HSPA14: variants seen among roughly 807,000 people sequenced by gnomAD.
HSPA14 encodes the protein heat shock 70 kDa protein 14.
Under a neutral mutation model 65.5 loss-of-function variants are expected in HSPA14, and 37 were observed. The ratio of observed to expected loss-of-function variants is 0.56; its 90% CI spans 0.43 to 0.74. The LOEUF (loss-of-function observed/expected upper bound fraction) is 0.74, where lower values mean the gene tolerates loss of function less well. HSPA14 is among the 30% of genes least tolerant of loss of function. The probability of loss-of-function intolerance (pLI) is 0.00; values close to 1 mark genes in which losing one functional copy is unlikely to be tolerated. For missense variants in HSPA14, 564 were observed against 607.6 expected, an observed-to-expected ratio of 0.93 and a Z score of 0.75; for synonymous variants, 203 against 214.2, an observed-to-expected ratio of 0.95 and a Z score of 0.46.
chr10:14,862,647 T>C (rs1262171196), intron 10 of HSPA14, among the ~76,000 whole-genome samples: 1 of 152,110 alleles, frequency 6.6e-6, no homozygotes, highest in Non-Finnish European at 1.5e-5. Context: ...AGTATTGGGA[T>C]TGCAGGCATG....
intron 1 of HSPA14, 64 bp from the exon 2 acceptor site, chr10:14,839,841 G>A: frequency 1.7e-6 from 2 of 1,185,290 alleles, no homozygotes; most frequent in South Asian, 1.4e-5. Flanking sequence ...AGTAACACTG[G>A]TGCACAAATG....
At position 14,849,752 on chromosome 10, in the gene HSPA14, A is replaced by G. The variant is rs1348154867; in HGVS notation, c.408A>G (p.Ala136=). 1.2e-6 allele frequency: 2 copies of G among 1,613,364 alleles called. No individual in the cohort carries two copies. The highest frequency in any genetic ancestry group is 8.5e-7 in the Non-Finnish European group (1 of 1,179,720). The change falls in exon 6 of 14, where the codon GCA becomes GCG. Residue 136 remains alanine (A), a synonymous_variant. Transcript: ENST00000378372. ...CACATTCTGTATTGGGCTCAGATGC[A>G]AATGATGTAGTTATTACTGTCCCGT... ...ETAHSVLGSD[A]NDVVITVPFD... is the part of the protein sequence containing the mutation.
rs185353393 is a variant in HSPA14 at position 14,853,822 on chromosome 10, C to T, written c.735-303C>T. 7.0e-4 allele frequency among the ~76,000 whole-genome samples: 106 copies of T among 152,220 alleles called. 1 individual carries two copies. The highest frequency in any genetic ancestry group is 2.3e-3 in the African/African-American group (94 of 41,540). ...GCAATCTCCACCTCCCAGGTTCAAG[C>T]GATTCTTCTGCCTCAGCCTCCCAAG... is the stretch of plus-strand genomic sequence containing the variant. On this transcript the variant is annotated intron_variant, in intron 8 of 13. Coordinates refer to ENST00000378372, the MANE Select transcript of HSPA14 (RefSeq NM_016299.4).
chr10:14,846,818 TC>T (rs1353374682), intron 3 of HSPA14: 1 of 985,270 alleles, frequency 1.0e-6, no homozygotes, highest in Non-Finnish European at 1.2e-6. Context: ...TAAGGGATAT[TC>T]AAGTAGGAGG....
intron 13 of HSPA14, among the ~76,000 whole-genome samples, chr10:14,871,206 C>T (rs946740489): frequency 7.9e-5 from 12 of 152,122 alleles, no homozygotes; most frequent in Non-Finnish European, 1.6e-4. Context: ...TTGCCTTGGC[C>T]TAGGCTTGAA....
chr10:14,851,238 G>T lies in HSPA14; in HGVS notation c.487G>T (p.Gly163Ter). 1.9e-6 allele frequency: 3 copies of T among 1,606,826 alleles called. No individual in the cohort carries two copies. Among genetic ancestry groups the T allele is most frequent in the Non-Finnish European group, 2.6e-6 (3 of 1,174,812 alleles). Reference protein sequence around the residue: ...NALGEAARAAGFNVLRLIHEP... With the variant: ...NALGEAARAA ...TCACAGAGAAGCAGCTAGAGCTGCT[G>T]GATTTAATGTTTTGCGATTAATTCA... The change falls in exon 7 of 14, where the codon GGA (glycine) becomes TGA (stop). Residue 163 changes from glycine (G) to a stop codon, truncating the protein, a stop_gained. Coordinates refer to ENST00000378372, the MANE Select transcript of HSPA14 (RefSeq NM_016299.4). LOFTEE classifies it high-confidence loss of function.
chr10:14,850,466 C>T (rs1288895949), intron 6 of HSPA14, among the ~76,000 whole-genome samples: 1 of 152,198 alleles, frequency 6.6e-6, no homozygotes, highest in Non-Finnish European at 1.5e-5. Context: ...CACCTTAGAT[C>T]TTAACATCTA....
At position 14,846,806 on chromosome 10, in the gene HSPA14, C is replaced by T. The variant is rs114463445; in HGVS notation, c.222-1803C>T. The T allele has an allele frequency of 3.5e-4, 341 of 985,242 alleles. No individual in the cohort carries two copies. The African/African-American group carries it at 5.4e-3, about 16-fold the overall frequency. 61.0% of individuals were successfully genotyped at this position (985,242 alleles called of 1,614,324 possible). A position where few individuals can be genotyped will look rare whatever the true frequency, so the allele number is the denominator to read the frequency against. On this transcript the variant is annotated intron_variant, in intron 3 of 13. Transcript: ENST00000378372. ...TGTGCCAAGCCCGTGGGCTGTTGAC[C>T]GTAAGGGATATTCAAGTAGGAGGAG...
rs752437938 is a variant in HSPA14, at chr10:14,842,200, T to C, written c.221+2043T>C. 7 of 1,535,336 alleles carry C rather than the reference T, an allele frequency of 4.6e-6. No homozygotes were observed. Among genetic ancestry groups the C allele is most frequent in the East Asian group, 4.9e-5 (2 of 40,910 alleles). ...CCTGAGAGGGAAGATCCTGGAGATATCCTGAGAGCACACAGAGCTTCCCCA... is the reference window on the plus strand; with the variant it reads ...CCTGAGAGGGAAGATCCTGGAGATACCCTGAGAGCACACAGAGCTTCCCCA... On this transcript the variant is annotated intron_variant, in intron 3 of 13. Transcript: ENST00000378372. The surrounding 1 kb of genome is among the most constrained non-coding windows in gnomAD (Gnocchi z 5.2).
intron 10 of HSPA14, among the ~76,000 whole-genome samples, chr10:14,860,747 C>T (rs1324334825): frequency 2.0e-5 from 3 of 152,024 alleles, no homozygotes; most frequent in Non-Finnish European, 4.4e-5. Flanking sequence ...GTGAAGAGTT[C>T]GCTGTAGATC....
chr10:14,868,472 A>G (rs139313712), intron 12 of HSPA14, among the ~76,000 whole-genome samples: 25 of 152,230 alleles, frequency 1.6e-4, no homozygotes, highest in African/African-American at 5.8e-4. Flanking sequence ...TTATTTACTT[A>G]GAAACATGTC....
At chr10:14,859,974 T>C (rs1209821147) in intron 10 of HSPA14, among the ~76,000 whole-genome samples, 5 of 152,254 alleles carry the variant, frequency 3.3e-5, no homozygotes, top group Admixed American at 6.5e-5. Flanking sequence ...TAATAACTTA[T>C]AGTATTTAGT....
rs1021594295 is a variant in HSPA14, at chr10:14,851,309, C to A, written c.558C>A (p.Ser186=). 4 of 1,598,064 alleles carry A rather than the reference C, an allele frequency of 2.5e-6. No homozygotes were observed. Among genetic ancestry groups the A allele is most frequent in the Non-Finnish European group, 3.4e-6 (4 of 1,166,580 alleles). ...TTGCTTATGGAATTGGACAAGACTC[C>A]CCTACTGGAAAAAGGTAAAGATCAT... ...ALLAYGIGQD[S]PTGKSNILVF... is the part of the protein sequence containing the mutation. The change falls in exon 7 of 14, where the codon TCC becomes TCA. Residue 186 remains serine, a synonymous_variant. Transcript: ENST00000378372.
chr10:14,868,501 T>TCA (rs112132864), intron 12 of HSPA14, among the ~76,000 whole-genome samples: 7,773 of 147,230 alleles, frequency 0.053, 203 homozygotes, highest in East Asian at 0.13. Flanking sequence ...GCAGTTGCAT[T>TCA]CACACACACA....
At chr10:14,849,440 T>C (rs1389910325) in intron 5 of HSPA14, 1 of 555,330 alleles carries the variant, frequency 1.8e-6, no homozygotes, top group Non-Finnish European at 3.5e-6. Flanking sequence ...TAGGAGCTTA[T>C]TCTCCATGGA....
chr10:14,849,949 T>C (rs1025248232), intron 6 of HSPA14, 138 bp downstream of exon 6: 36 of 604,754 alleles, frequency 6.0e-5, no homozygotes, highest in Non-Finnish European at 9.7e-5. Flanking sequence ...GTAATGATCA[T>C]TTTTATATGT....
chr10:14,852,724 G>A (rs1834117934), intron 8 of HSPA14, among the ~76,000 whole-genome samples, 193 bp downstream of exon 8: 1 of 152,174 alleles, frequency 6.6e-6, no homozygotes, highest in African/African-American at 2.4e-5. Context: ...AGGCCAGGCT[G>A]CCTAGTGCAG....
Position 14,842,557 on chromosome 10 carries a change from AT to A in HSPA14, c.221+2404del. ...GTATGGGTGAGCCACCACACTGTCC[AT>A]TTTATGATACGTTGGATCAGCTTCT... On this transcript the variant is annotated intron_variant, in intron 3 of 13. Coordinates refer to ENST00000378372, the MANE Select transcript of HSPA14 (RefSeq NM_016299.4). The surrounding 1 kb of genome is among the most constrained non-coding windows in gnomAD (Gnocchi z 5.2). 6.5e-7 allele frequency: 1 copy of A among 1,536,156 alleles called. No homozygotes were observed. The highest frequency in any genetic ancestry group is 1.2e-5 in the South Asian group (1 of 84,066).
rs1248494673 is a variant in HSPA14, at chr10:14,842,946, G to A, written c.221+2789G>A. On this transcript the variant is annotated intron_variant, in intron 3 of 13. Coordinates refer to ENST00000378372, the MANE Select transcript of HSPA14 (RefSeq NM_016299.4). This position sits in a 1 kb window ranked among gnomAD's most constrained non-coding sequence, Gnocchi z 5.2. ...TAGTGTCCTCTTCAGCATAGTTCCT[G>A]TTTCTGCCTCATTCTGCCCCACGCA... The A allele has an allele frequency of 5.5e-6, 5 of 904,192 alleles. No individual in the cohort carries two copies. Among genetic ancestry groups the A allele is most frequent in the Non-Finnish European group, 8.1e-6 (5 of 613,950 alleles). 56.0% of individuals were successfully genotyped at this position (904,192 alleles called of 1,614,324 possible).
Sources: gnomAD v4.1 joint callset for allele counts (sites outside exome capture counted in the v4.1 genomes callset) on GRCh38, gnomAD v4.1.1 for gene constraint, Gnocchi (gnomAD v3.1) non-coding constraint, MANE v1.5 for transcripts, NCBI Gene and HGNC (gene_info 2026-07-23, HGNC 2026-07-21) for gene names.